GUCY1A2: variants seen among roughly 807,000 people sequenced by gnomAD.
GUCY1A2 encodes the protein guanylate cyclase soluble subunit alpha-2.
A neutral mutation model predicts 63.5 loss-of-function variants in GUCY1A2; 27 were observed. That is an observed-to-expected ratio of 0.43 (90% confidence interval 0.31 to 0.59). The LOEUF (loss-of-function observed/expected upper bound fraction) is 0.59, where lower values mean the gene tolerates loss of function less well. GUCY1A2 is among the 20% of genes least tolerant of loss of function. The pLI is 0.11. For missense variants in GUCY1A2, 768 were observed against 913.3 expected (o/e 0.84, Z 2.05); for synonymous variants, 364 against 343.5 (o/e 1.06, Z -0.66).
At chr11:106,805,214 T>G (rs971453760) in intron 5 of GUCY1A2, among the ~76,000 whole-genome samples, 1 of 151,704 alleles carries the variant, frequency 6.6e-6, no homozygotes, top group Non-Finnish European at 1.5e-5. Flanking sequence ...CCCTCTACCT[T>G]TACTCTGACA....
chr11:106,730,059 A>AAAAT (rs1863473387), intron 6 of GUCY1A2, among the ~76,000 whole-genome samples: 1 of 103,364 alleles, frequency 9.7e-6, no homozygotes, highest in African/African-American at 3.5e-5. Context: ...ATCAGCATGG[A>AAAAT]ATATATATAT....
intron 4 of GUCY1A2, among the ~76,000 whole-genome samples, chr11:106,927,824 A>G (rs140008704): frequency 0.15 from 23,201 of 151,994 alleles, 2,130 homozygotes; most frequent in South Asian, 0.27. Flanking sequence ...CACCTGCCTC[A>G]GCCTCCCAAA....
intron 5 of GUCY1A2, among the ~76,000 whole-genome samples, chr11:106,809,565 A>G (rs1048526763): frequency 6.6e-6 from 1 of 152,140 alleles, no homozygotes. Context: ...AGTGCAAAAT[A>G]CTGATTAGCC....
At chr11:106,906,649 C>T (rs552612514) in intron 4 of GUCY1A2, among the ~76,000 whole-genome samples, 12 of 152,190 alleles carry the variant, frequency 7.9e-5, no homozygotes, top group East Asian at 1.9e-4. Context: ...ATGTTTATTG[C>T]GGCACTATTC....
intron 3 of GUCY1A2, among the ~76,000 whole-genome samples, chr11:106,966,313 G>C (rs1300567626): frequency 1.3e-5 from 2 of 152,076 alleles, no homozygotes; most frequent in African/African-American, 4.8e-5. Flanking sequence ...TCACCATGTT[G>C]GCCAGGCTGG....
intron 4 of GUCY1A2, among the ~76,000 whole-genome samples, chr11:106,855,366 G>A (rs1023763953): frequency 2.6e-5 from 4 of 152,082 alleles, no homozygotes; most frequent in African/African-American, 9.7e-5. Flanking sequence ...CCAGCTGCTT[G>A]GCTGCCCTCT....
intron 6 of GUCY1A2, among the ~76,000 whole-genome samples, chr11:106,722,922 C>T (rs575287285): frequency 6.6e-6 from 1 of 151,842 alleles, no homozygotes; most frequent in Non-Finnish European, 1.5e-5. Context: ...ATGTGAAATT[C>T]AGAATAAGAA....
chr11:106,775,351 C>T (rs978726480), intron 6 of GUCY1A2, among the ~76,000 whole-genome samples: 6 of 152,248 alleles, frequency 3.9e-5, no homozygotes, highest in African/African-American at 1.4e-4. Flanking sequence ...TTTTACAACA[C>T]ATGGAATCTG....
rs145744449 is a variant in GUCY1A2 at position 106,988,670 on chromosome 11, C to G, written c.304-2539G>C. Among the ~76,000 whole-genome samples the G allele has an allele frequency of 8.5e-5, 13 of 152,268 alleles. No homozygotes were observed. In the East Asian group the frequency reaches 2.5e-3, roughly 29 times the overall value. ...CCAACAAAGCTTCAGGTTGATAAAG[C>G]ATTTATGCACTTCCTATTTCTTGCC... On this transcript the variant is annotated intron_variant, in intron 1 of 7. Coordinates refer to ENST00000526355, the MANE Select transcript of GUCY1A2 (RefSeq NM_000855.3).
At chr11:106,851,701 T>C (rs191142122) in intron 4 of GUCY1A2, among the ~76,000 whole-genome samples, 134 of 152,124 alleles carry the variant, frequency 8.8e-4, no homozygotes, top group Non-Finnish European at 1.7e-3. Flanking sequence ...CATTGATCTA[T>C]GTGTCTGTTT....
At chr11:106,696,573 C>T (rs1356967884) in intron 7 of GUCY1A2, among the ~76,000 whole-genome samples, 1 of 152,044 alleles carries the variant, frequency 6.6e-6, no homozygotes, top group Non-Finnish European at 1.5e-5. Context: ...ATTCTATGTT[C>T]TCTATTTTCT....
rs1464026495 is a variant in GUCY1A2 at position 106,683,079 on chromosome 11, C to A, written c.*4470G>T. 1 of 217,820 alleles carries A rather than the reference C, an allele frequency of 4.6e-6. No homozygotes were observed. 13.5% of individuals were successfully genotyped at this position (217,820 alleles called of 1,614,324 possible). ...AACACAATTTATGTGTATGTTAAAC[C>A]AGCTGGTTGTGGTTTAGGAACATTC... is the stretch of plus-strand genomic sequence containing the variant. On this transcript the variant is annotated 3_prime_UTR_variant, in exon 8 of 8. Coordinates refer to ENST00000526355, the MANE Select transcript of GUCY1A2 (RefSeq NM_000855.3).
chr11:106,905,853 G>T (rs1372037236), intron 4 of GUCY1A2, among the ~76,000 whole-genome samples: 1 of 152,058 alleles, frequency 6.6e-6, no homozygotes, highest in East Asian at 1.9e-4. Flanking sequence ...CTGTGACAAG[G>T]TTTATCACTA....
chr11:107,003,421 C>A (rs1006614401), intron 1 of GUCY1A2, among the ~76,000 whole-genome samples: 1 of 152,112 alleles, frequency 6.6e-6, no homozygotes, highest in Non-Finnish European at 1.5e-5. Context: ...TCTTTTTATT[C>A]TTTCTGTATA....
intron 4 of GUCY1A2, among the ~76,000 whole-genome samples, chr11:106,891,474 T>C (rs1023083129): frequency 1.3e-5 from 2 of 152,180 alleles, no homozygotes; most frequent in Non-Finnish European, 2.9e-5. Context: ...TTTTCTGTTA[T>C]TGTTTGTGCC....
chr11:107,006,289 G>C (rs1861670415), intron 1 of GUCY1A2, among the ~76,000 whole-genome samples: 1 of 152,172 alleles, frequency 6.6e-6, no homozygotes, highest in Admixed American at 6.5e-5. Context: ...TCCATTCACT[G>C]TTCACATTTT....
chr11:106,898,450 T>G (rs1330458086), intron 4 of GUCY1A2, among the ~76,000 whole-genome samples: 1 of 152,188 alleles, frequency 6.6e-6, no homozygotes, highest in Non-Finnish European at 1.5e-5. Context: ...AACCAAGATG[T>G]CCTTCTATAG....
intron 4 of GUCY1A2, chr11:106,824,762 A>AT (rs1309567129): frequency 1.3e-6 from 2 of 1,516,512 alleles, no homozygotes; most frequent in African/African-American, 2.8e-5. Context: ...GAATAGCTGG[A>AT]TTTTTACCAA....
chr11:106,983,618 G>A (rs1180372266), intron 2 of GUCY1A2, among the ~76,000 whole-genome samples: 1 of 152,122 alleles, frequency 6.6e-6, no homozygotes, highest in Non-Finnish European at 1.5e-5. Context: ...GAAGGTTAGT[G>A]GTTGAAGGAT....
Sources: allele counts gnomAD v4.1 joint callset (sites outside exome capture counted in the v4.1 genomes callset), GRCh38; gene constraint gnomAD v4.1.1; transcripts MANE v1.5; gene names NCBI Gene and HGNC (gene_info 2026-07-23, HGNC 2026-07-21).